The following NT5C3A variants were observed in gnomAD, a reference collection of about 807,000 sequenced individuals.
NT5C3A encodes cytosolic 5'-nucleotidase 3A.
A neutral mutation model predicts 40.0 loss-of-function variants in NT5C3A; 23 were observed. The observed-to-expected ratio is 0.58, with a 90% CI of 0.41 to 0.81. The LOEUF is 0.81. NT5C3A is among the 40% of genes least tolerant of loss of function. The pLI, the probability that NT5C3A is intolerant of heterozygous loss-of-function variation, is 0.00. For missense variants in NT5C3A, 328 were observed against 403.0 expected, an observed-to-expected ratio of 0.81 and a Z score of 1.59; for synonymous variants, 130 against 141.4, an observed-to-expected ratio of 0.92 and a Z score of 0.57.
chr7:33,017,072 A>T (rs1785373461), intron 7 of NT5C3A: 1 of 183,968 alleles, frequency 5.4e-6, no homozygotes, highest in African/African-American at 2.4e-5. Context: ...AATCCCAGCT[A>T]CTCGAGAGGC....
chr7:33,021,524 A>T (rs1160526308), intron 4 of NT5C3A, among the ~76,000 whole-genome samples, 167 bp from the exon 5 acceptor site: 1 of 152,216 alleles, frequency 6.6e-6, no homozygotes, highest in Non-Finnish European at 1.5e-5. Context: ...ACATGTAATC[A>T]AATATACCTG....
At chr7:33,060,447 G>A (rs956282008) in intron 1 of NT5C3A, among the ~76,000 whole-genome samples, 9 of 138,230 alleles carry the variant, frequency 6.5e-5, no homozygotes, top group African/African-American at 1.6e-4. Flanking sequence ...TTACAGGTGT[G>A]AGCCACCATG....
In NT5C3A at chr7:33,039,563, T is replaced by G. The variant is rs994698138; in HGVS notation, c.139-12648A>C. On this transcript the variant is annotated intron_variant, in intron 1 of 8. Coordinates refer to ENST00000610140, the MANE Select transcript of NT5C3A (RefSeq NM_001002010.5). ...GACTTTCTTAAGCTTGGGTTTTTTG[T>G]TTTTTTTTTTTTTTAATGTTACTGT... Among the ~76,000 whole-genome samples the G allele has an allele frequency of 1.3e-4, 18 of 134,440 alleles. 1 individual carries two copies. The highest frequency in any genetic ancestry group is 4.9e-4 in the African/African-American group (16 of 32,450). The allele number at this position is 134,440 out of a possible 152,430, so 88.2% of individuals were successfully genotyped here.
chr7:33,016,961 T>C (rs1370291375), intron 7 of NT5C3A, among the ~76,000 whole-genome samples: 1 of 152,018 alleles, frequency 6.6e-6, no homozygotes, highest in Non-Finnish European at 1.5e-5. Context: ...GGTGGGAGGA[T>C]AACTTGTGGT....
At chr7:33,032,094 T>C (rs1338658936) in intron 1 of NT5C3A, among the ~76,000 whole-genome samples, 1 of 150,068 alleles carries the variant, frequency 6.7e-6, no homozygotes, top group Non-Finnish European at 1.5e-5. Context: ...CACTACACTC[T>C]AGCCCAAGTG....
chr7:33,046,126 C>T (rs925178548), intron 1 of NT5C3A: 1 of 152,246 alleles, frequency 6.6e-6, no homozygotes, highest in African/African-American at 2.4e-5. Flanking sequence ...ACTGCAAAAA[C>T]TTATCCTAGT....
chr7:33,058,268 T>G (rs1787642803), intron 1 of NT5C3A, among the ~76,000 whole-genome samples: 1 of 152,200 alleles, frequency 6.6e-6, no homozygotes, highest in Non-Finnish European at 1.5e-5. Flanking sequence ...CTGTAAATAA[T>G]AAGATGTAAT....
intron 2 of NT5C3A, among the ~76,000 whole-genome samples, chr7:33,025,118 G>A (rs1430920617): frequency 1.3e-5 from 2 of 151,964 alleles, no homozygotes; most frequent in Non-Finnish European, 2.9e-5. Flanking sequence ...CAACCTGGGC[G>A]ACAGAATAAG....
chr7:33,023,826 G>A (rs1020594616), intron 3 of NT5C3A: 4 of 551,104 alleles, frequency 7.3e-6, no homozygotes, highest in Non-Finnish European at 3.2e-6. Flanking sequence ...AGGAGTCTCT[G>A]ATTCCCTTTG....
intron 5 of NT5C3A, among the ~76,000 whole-genome samples, chr7:33,020,101 T>C (rs1462154192): frequency 6.6e-6 from 1 of 152,174 alleles, no homozygotes; most frequent in African/African-American, 2.4e-5. Context: ...GTTTGTAGTT[T>C]GAATTTTCTA....
At chr7:33,020,774 T>TG (rs1785581451) in intron 5 of NT5C3A, among the ~76,000 whole-genome samples, 1 of 78,484 alleles carries the variant, frequency 1.3e-5, no homozygotes, top group Admixed American at 1.4e-4. Flanking sequence ...TGTCATGATC[T>TG]ATTTTTTTTT....
chr7:33,028,888 T>C (rs1469034544), intron 1 of NT5C3A, among the ~76,000 whole-genome samples: 1 of 151,934 alleles, frequency 6.6e-6, no homozygotes, highest in Non-Finnish European at 1.5e-5. Context: ...ATACTGTCTC[T>C]ACTGAAAACA....
intron 1 of NT5C3A, among the ~76,000 whole-genome samples, chr7:33,061,472 T>C (rs1025822044): frequency 1.3e-5 from 2 of 152,120 alleles, no homozygotes; most frequent in Non-Finnish European, 2.9e-5. Context: ...GATTATAACC[T>C]TGAACTCCCA....
At chr7:33,042,715 A>T (rs1167681775) in intron 1 of NT5C3A, among the ~76,000 whole-genome samples, 3 of 152,254 alleles carry the variant, frequency 2.0e-5, no homozygotes, top group Non-Finnish European at 4.4e-5. Context: ...AAATACTATT[A>T]AAAGCATTAG....
At chr7:33,015,960 AT>A in intron 7 of NT5C3A, 90 bp from the exon 8 acceptor site, 1 of 829,128 alleles carries the variant, frequency 1.2e-6, no homozygotes, top group South Asian at 1.5e-5. Flanking sequence ...TGTCACTATT[AT>A]TTCATCATAT....
chr7:33,018,089 T>A (rs963282073), intron 6 of NT5C3A, among the ~76,000 whole-genome samples: 1 of 152,206 alleles, frequency 6.6e-6, no homozygotes, highest in African/African-American at 2.4e-5. Flanking sequence ...AAAACATGGA[T>A]ATATTAACAC....
intron 1 of NT5C3A, among the ~76,000 whole-genome samples, chr7:33,043,384 G>A (rs535456440): frequency 1.3e-5 from 2 of 152,250 alleles, no homozygotes; most frequent in East Asian, 3.9e-4. Flanking sequence ...GAAAATAAAT[G>A]TGCTCCTTGG....
chr7:33,041,348 G>A (rs1786903505), intron 1 of NT5C3A, among the ~76,000 whole-genome samples: 1 of 152,210 alleles, frequency 6.6e-6, no homozygotes, highest in Non-Finnish European at 1.5e-5. Context: ...AATGGATAGA[G>A]TTTCAGTTTT....
intron 1 of NT5C3A, among the ~76,000 whole-genome samples, chr7:33,055,840 G>A (rs752479377): frequency 3.3e-5 from 5 of 152,190 alleles, no homozygotes; most frequent in Non-Finnish European, 7.3e-5. Flanking sequence ...AGCTAGTCAG[G>A]TGGCTCATGC....
Sources: allele counts gnomAD v4.1 joint callset (sites outside exome capture counted in the v4.1 genomes callset), GRCh38; gene constraint gnomAD v4.1.1; transcripts MANE v1.5; gene names NCBI Gene and HGNC (gene_info 2026-07-23, HGNC 2026-07-21).